The following SLCO2A1 variants were observed in gnomAD, a reference collection of about 807,000 sequenced individuals.
SLCO2A1 encodes matrin F/G 1.
Under a neutral mutation model 71.7 loss-of-function variants are expected in SLCO2A1, and 60 were observed. That is an observed-to-expected ratio of 0.84 (90% CI 0.68 to 1.04). SLCO2A1 has a LOEUF of 1.04. SLCO2A1 is among the 50% of genes least tolerant of loss of function. The probability of loss-of-function intolerance (pLI) is 0.00; values close to 1 mark genes in which losing one functional copy is unlikely to be tolerated. For synonymous variants in SLCO2A1, 308 were observed against 326.7 expected (o/e 0.94, Z 0.62); for missense variants, 745 against 813.4 (o/e 0.92, Z 1.02).
At position 133,935,179 on chromosome 3, in the gene SLCO2A1, G is replaced by A. The variant is rs545657229; in HGVS notation, c.1815-349C>T. Among the ~76,000 whole-genome samples, 13 of 152,300 alleles carry A rather than the reference G, an allele frequency of 8.5e-5. No individual in the cohort carries two copies. The South Asian group carries it at 2.7e-3, about 32-fold the overall frequency. ...CATCTTCTCACTGCCCTCTTGGCCT[G>A]TCCCTTTTGTGGTCTTCTCTGCCAC... is the stretch of plus-strand genomic sequence containing the variant. On this transcript the variant is annotated intron_variant, in intron 13 of 13. Transcript: ENST00000310926.
chr3:134,027,160 T>A (rs1935714558), intron 1 of SLCO2A1, among the ~76,000 whole-genome samples: 3 of 152,084 alleles, frequency 2.0e-5, no homozygotes, highest in Admixed American at 2.0e-4. Flanking sequence ...CACTATTGAG[T>A]GAGAATCTCA....
chr3:134,013,034 A>C (rs1023530766), intron 1 of SLCO2A1, among the ~76,000 whole-genome samples: 2 of 152,224 alleles, frequency 1.3e-5, no homozygotes, highest in Non-Finnish European at 1.5e-5. Flanking sequence ...GAGGCAGGGA[A>C]CTTATAGGCA....
chr3:133,992,440 G>C (rs1934875018), intron 1 of SLCO2A1, among the ~76,000 whole-genome samples: 1 of 152,358 alleles, frequency 6.6e-6, no homozygotes, highest in South Asian at 2.1e-4. Context: ...TATTGTGGCT[G>C]TGATAGGGAC....
intron 3 of SLCO2A1, among the ~76,000 whole-genome samples, chr3:133,960,553 T>C (rs1934012194): frequency 6.6e-6 from 1 of 151,868 alleles, no homozygotes. Flanking sequence ...CTGGGGGAGA[T>C]GGGAATGAAG....
chr3:134,005,750 G>A (rs1418832309), intron 1 of SLCO2A1, among the ~76,000 whole-genome samples: 2 of 152,124 alleles, frequency 1.3e-5, no homozygotes, highest in African/African-American at 4.8e-5. Flanking sequence ...CAAAGTGCTA[G>A]GATTACAGGC....
rs367801498 is a variant in SLCO2A1 at position 133,953,771 on chromosome 3, G to A, written c.626-10C>T. On this transcript the variant is annotated splice_polypyrimidine_tract_variant and intron_variant, in intron 4 of 13. Coordinates refer to ENST00000310926, the MANE Select transcript of SLCO2A1 (RefSeq NM_005630.3). The stretch of plus-strand genomic sequence containing the variant: ...ATGGCAAATAAGATGGCTGGAAAAG[G>A]AAGTAAGGGGAAGGAGACTGAGATA... 6.2e-7 allele frequency: 1 copy of A among 1,606,846 alleles called. No homozygotes were observed. Among genetic ancestry groups the A allele is most frequent in the Non-Finnish European group, 8.5e-7 (1 of 1,173,478 alleles).
chr3:133,974,599 A>G (rs1441285838), intron 2 of SLCO2A1, among the ~76,000 whole-genome samples: 1 of 152,220 alleles, frequency 6.6e-6, no homozygotes, highest in Admixed American at 6.5e-5. Flanking sequence ...AAACCCTTCC[A>G]GCTGGAAACA....
chr3:133,968,339 T>A (rs1047898597), intron 3 of SLCO2A1, among the ~76,000 whole-genome samples: 1 of 151,854 alleles, frequency 6.6e-6, no homozygotes, highest in Admixed American at 6.6e-5. Flanking sequence ...CTCTCATTCC[T>A]CCAGGGCTTC....
At chr3:134,021,757 G>C (rs1283883984) in intron 1 of SLCO2A1, among the ~76,000 whole-genome samples, 1 of 151,392 alleles carries the variant, frequency 6.6e-6, no homozygotes, top group Non-Finnish European at 1.5e-5. Flanking sequence ...TATACAAGTA[G>C]TTAAGAAAAA....
At position 133,964,093 on chromosome 3, in the gene SLCO2A1, C is replaced by T. The variant is rs148084134; in HGVS notation, c.398-8900G>A. Among the ~76,000 whole-genome samples, 398 of 152,338 alleles carry T rather than the reference C, an allele frequency of 2.6e-3. 4 individuals are homozygous for T. The highest frequency in any genetic ancestry group is 9.1e-3 in the African/African-American group (380 of 41,574). Reference sequence around the variant, plus strand: ...ATAAAATGATTCCTATGGGCAAATGCACTCAGTTTCATCTTGGAAAACTAG... The same window carrying T: ...ATAAAATGATTCCTATGGGCAAATGTACTCAGTTTCATCTTGGAAAACTAG... On this transcript the variant is annotated intron_variant, in intron 3 of 13. Coordinates refer to ENST00000310926, the MANE Select transcript of SLCO2A1 (RefSeq NM_005630.3).
chr3:133,986,238 A>T (rs1238264211), intron 1 of SLCO2A1, among the ~76,000 whole-genome samples: 1 of 152,186 alleles, frequency 6.6e-6, no homozygotes, highest in African/African-American at 2.4e-5. Context: ...CTTTGAAGGG[A>T]ATTTGACAAA....
chr3:133,934,794 G>T lies in SLCO2A1; in HGVS notation c.1851C>A (p.Gly617=). 6.2e-7 allele frequency: 1 copy of T among 1,612,596 alleles called. No homozygotes were observed. The highest frequency in any genetic ancestry group is 1.1e-5 in the South Asian group (1 of 91,052). Residue 617 remains glycine (G), a synonymous_variant, in exon 14 of 14, where the codon GGC becomes GGA. Coordinates refer to ENST00000310926, the MANE Select transcript of SLCO2A1 (RefSeq NM_005630.3). The stretch of plus-strand genomic sequence containing the variant: ...AGCTGATGAAGCAAAGCAGCAGCAT[G>T]CCCAGCGCCTTGTAGCCCATCTGCA... ...LGLQMGYKAL[G]MLLLCFISWR...
intron 3 of SLCO2A1, among the ~76,000 whole-genome samples, chr3:133,959,116 C>A (rs141720711): frequency 6.6e-6 from 1 of 152,330 alleles, no homozygotes; most frequent in Non-Finnish European, 1.5e-5. Context: ...ATGAGTGATA[C>A]CTGCGTCACA....
At chr3:133,990,096 T>G (rs35265372) in intron 1 of SLCO2A1, among the ~76,000 whole-genome samples, 219 of 152,344 alleles carry the variant, frequency 1.4e-3, no homozygotes, top group Non-Finnish European at 2.6e-3. Context: ...GTTCGCCAAT[T>G]CTAAATCTGT....
At chr3:133,949,219 G>A in intron 6 of SLCO2A1, 3 of 527,314 alleles carry the variant, frequency 5.7e-6, no homozygotes, top group South Asian at 4.4e-5. Context: ...GATACCTGTG[G>A]GCATATCATT....
At chr3:133,952,560 G>A (rs981168214) in intron 5 of SLCO2A1, among the ~76,000 whole-genome samples, 1 of 152,188 alleles carries the variant, frequency 6.6e-6, no homozygotes, top group Non-Finnish European at 1.5e-5. Flanking sequence ...TGGGAGACTG[G>A]GTAGTGTGGG....
At chr3:133,939,393 G>A (rs1303098469) in intron 11 of SLCO2A1, among the ~76,000 whole-genome samples, 1 of 152,174 alleles carries the variant, frequency 6.6e-6, no homozygotes, top group Non-Finnish European at 1.5e-5. Context: ...AGGACTCTCT[G>A]TGCTCTGAGC....
intron 3 of SLCO2A1, among the ~76,000 whole-genome samples, chr3:133,972,724 T>C (rs1269209548): frequency 2.6e-5 from 4 of 152,116 alleles, no homozygotes; most frequent in Non-Finnish European, 5.9e-5. Context: ...ACCTTCAAAG[T>C]GTTGAGAAGA....
chr3:133,960,013 G>C (rs917442815), intron 3 of SLCO2A1, among the ~76,000 whole-genome samples: 2 of 152,188 alleles, frequency 1.3e-5, no homozygotes, highest in Admixed American at 6.5e-5. Flanking sequence ...CCAGCTACTC[G>C]GGAGGCTGAG....
Sources: gnomAD v4.1 joint callset for allele counts (sites outside exome capture counted in the v4.1 genomes callset) on GRCh38, gnomAD v4.1.1 for gene constraint, MANE v1.5 for transcripts, NCBI Gene and HGNC (gene_info 2026-07-23, HGNC 2026-07-21) for gene names.